Variants in RP1 observed in about 807,000 individuals in gnomAD.
RP1 encodes oxygen-regulated protein 1.
A neutral mutation model predicts 14.8 loss-of-function variants in RP1; 16 were observed. The ratio of observed to expected loss-of-function variants is 1.08; its 90% CI spans 0.73 to 1.65. RP1 has a LOEUF of 1.65. RP1 is among the 40% of genes most tolerant of loss of function. RP1 has a pLI of 0.00. For missense variants in RP1, 2,631 were observed against 2,535.0 expected (o/e 1.04, Z -0.81); for synonymous variants, 876 against 883.6 (o/e 0.99, Z 0.15).
In RP1 at chr8:54,700,522, A is replaced by T. The variant is rs571049957; in HGVS notation, c.1821+952A>T. Among the ~76,000 whole-genome samples, 3 of 152,278 alleles carry T rather than the reference A, an allele frequency of 2.0e-5. No individual in the cohort carries two copies. The East Asian group carries it at 5.8e-4, about 29-fold the overall frequency. ...CTCTGGACTTCATAAGGTACCCTAC[A>T]CTGTAGTTCATAGCACATTCTGATC... On this transcript the variant is annotated intron_variant, in intron 13 of 22. Transcript: ENST00000636932.
At chr8:54,654,671 A>T (rs1180070437) in intron 5 of RP1, among the ~76,000 whole-genome samples, 1 of 152,206 alleles carries the variant, frequency 6.6e-6, no homozygotes, top group Non-Finnish European at 1.5e-5. Context: ...TTTTTGAGAC[A>T]GGGTCTCTGT....
At chr8:54,865,678 A>AT (rs11410419) in intron 27 of RP1, among the ~76,000 whole-genome samples, 82,538 of 151,736 alleles carry the variant, frequency 0.54, 22,728 homozygotes, top group East Asian at 0.76. Flanking sequence ...GCTCACTCAC[A>AT]TTTTCATTTC....
intron 12 of RP1, among the ~76,000 whole-genome samples, chr8:54,681,480 ATTTGTG>A (rs756612649): frequency 1.8e-5 from 2 of 110,168 alleles, no homozygotes; most frequent in Non-Finnish European, 3.7e-5. Flanking sequence ...TTATTTTTTG[ATTTGTG>A]TGTGTGTGTG....
intron 23 of RP1, among the ~76,000 whole-genome samples, chr8:54,779,416 A>G (rs1419389339): frequency 6.6e-6 from 1 of 152,220 alleles, no homozygotes; most frequent in African/African-American, 2.4e-5. Flanking sequence ...GTAAGAGCTT[A>G]ATTCACATGC....
chr8:54,642,346 A>G, intron 3 of RP1, among the ~76,000 whole-genome samples: 1 of 152,264 alleles, frequency 6.6e-6, no homozygotes, highest in East Asian at 1.9e-4. Flanking sequence ...GTTATATAGC[A>G]TGTAGTAAAA....
chr8:54,765,105 C>G (rs997135882), intron 22 of RP1, among the ~76,000 whole-genome samples: 2 of 152,254 alleles, frequency 1.3e-5, no homozygotes, highest in Non-Finnish European at 2.9e-5. Context: ...CACCAGCAGG[C>G]CGCATCTCCA....
chr8:54,748,504 G>T (rs151299321), intron 19 of RP1, among the ~76,000 whole-genome samples: 1 of 152,258 alleles, frequency 6.6e-6, no homozygotes, highest in East Asian at 1.9e-4. Flanking sequence ...ACCATAGTTG[G>T]TCCCCCTTGT....
intron 17 of RP1, among the ~76,000 whole-genome samples, chr8:54,734,020 TTC>T (rs1330425384): frequency 2.6e-5 from 4 of 152,160 alleles, no homozygotes; most frequent in Non-Finnish European, 5.9e-5. Flanking sequence ...TGTGTGAAAA[TTC>T]TCTCTTTAGT....
chr8:54,697,208 A>G (rs1807889490), intron 12 of RP1: 1 of 687,044 alleles, frequency 1.5e-6, no homozygotes, highest in East Asian at 2.8e-5. Context: ...TTTTATCCAG[A>G]GAAGATTATT....
At chr8:54,601,018 G>A (rs559911670) in intron 1 of RP1, among the ~76,000 whole-genome samples, 2 of 152,144 alleles carry the variant, frequency 1.3e-5, no homozygotes, top group Non-Finnish European at 2.9e-5. Flanking sequence ...GTTGTACTTA[G>A]TGAGAGGAAT....
intron 24 of RP1, among the ~76,000 whole-genome samples, chr8:54,824,581 A>C (rs192346340): frequency 6.6e-6 from 1 of 152,336 alleles, no homozygotes; most frequent in Admixed American, 6.5e-5. Flanking sequence ...TACCTTGATC[A>C]CTAAAACGAG....
chr8:54,694,160 G>A (rs1807795137), intron 12 of RP1, among the ~76,000 whole-genome samples: 1 of 152,156 alleles, frequency 6.6e-6, no homozygotes, highest in Admixed American at 6.6e-5. Flanking sequence ...TGCATCCCAG[G>A]GATGAAGCCC....
chr8:54,818,733 C>A (rs1194143548), intron 24 of RP1, among the ~76,000 whole-genome samples: 2 of 152,196 alleles, frequency 1.3e-5, no homozygotes, highest in Non-Finnish European at 2.9e-5. Flanking sequence ...TGTGGATCTA[C>A]TTTGAGAGGT....
At chr8:54,618,936 C>T (rs1452923165) in intron 1 of RP1, among the ~76,000 whole-genome samples, 1 of 152,230 alleles carries the variant, frequency 6.6e-6, no homozygotes, top group African/African-American at 2.4e-5. Flanking sequence ...GCTGGGATTG[C>T]ACGTGTGAGC....
At chr8:54,578,223 T>A (rs1033999685) in intron 1 of RP1, among the ~76,000 whole-genome samples, 1 of 152,180 alleles carries the variant, frequency 6.6e-6, no homozygotes, top group Non-Finnish European at 1.5e-5. Context: ...TTTATTTTTT[T>A]AGGGACAGCG....
chr8:54,776,172 A>G (rs137958963), intron 23 of RP1, among the ~76,000 whole-genome samples: 19 of 152,274 alleles, frequency 1.2e-4, no homozygotes, highest in African/African-American at 4.6e-4. Flanking sequence ...TTATATGCAA[A>G]TATTGTGCCA....
chr8:54,621,550 T>C lies in RP1; in HGVS notation c.584T>C (p.Val195Ala). 1.2e-6 allele frequency: 2 copies of C among 1,614,164 alleles called. No homozygotes were observed. The highest frequency in any genetic ancestry group is 8.5e-7 in the Non-Finnish European group (1 of 1,180,010). ...QHLTEVMQRP[V>A]VKLYATDGRR... ...CTGACAGAGGTCATGCAGCGCCCTG[T>C]GGTCAAGCTGTACGCTACGGACGGA... The change falls in exon 2 of 4, where the codon GTG becomes GCG. Residue 195 changes from valine (V) to alanine (A), a missense_variant. By Grantham distance (64) the Val-to-Ala change is moderately conservative (BLOSUM62 0). Coordinates refer to ENST00000220676, the MANE Select transcript of RP1 (RefSeq NM_006269.2).
chr8:54,613,010 G>T (rs1453627411), upstream of RP1, among the ~76,000 whole-genome samples: 2 of 152,076 alleles, frequency 1.3e-5, no homozygotes, highest in Non-Finnish European at 2.9e-5. Flanking sequence ...TTCATAGTTT[G>T]TCTCTGCAGG....
intron 17 of RP1, among the ~76,000 whole-genome samples, chr8:54,734,342 C>T (rs1396047549): frequency 6.6e-6 from 1 of 152,080 alleles, no homozygotes; most frequent in African/African-American, 2.4e-5. Flanking sequence ...CAGTTTACTT[C>T]GGTGATTGAG....
Sources: allele counts gnomAD v4.1 joint callset (sites outside exome capture counted in the v4.1 genomes callset), GRCh38; gene constraint gnomAD v4.1.1; transcripts MANE v1.5; gene names NCBI Gene and HGNC (gene_info 2026-07-23, HGNC 2026-07-21).